The following DMD variants were observed in gnomAD, a reference collection of about 807,000 sequenced individuals.
DMD encodes the protein mutant dystrophin.
In DMD, 63 loss-of-function variants were observed where a neutral mutation model predicts 330.1. The observed-to-expected ratio is 0.19, with a 90% CI of 0.16 to 0.24. The LOEUF is 0.24. Ranked by LOEUF, DMD falls within the 10% of genes least tolerant of loss-of-function variation. DMD has a pLI of 1.00. For synonymous variants in DMD, 1,223 were observed against 959.8 expected (o/e 1.27, Z -5.07); for missense variants, 3,344 against 2,684.1 (o/e 1.25, Z -5.43).
intron 12 of DMD, among the ~76,000 whole-genome samples, chrX:32,598,133 T>G (rs1324676772): frequency 2.7e-5 from 3 of 112,314 alleles, no homozygotes; most frequent in Non-Finnish European, 5.6e-5. Flanking sequence ...TTTAGAACAC[T>G]ATAAAATCAC....
chrX:31,750,346 T>C (rs2088411187), intron 51 of DMD, among the ~76,000 whole-genome samples: 1 of 107,230 alleles, frequency 9.3e-6, no homozygotes, highest in East Asian at 3.0e-4. Context: ...GGGATCCAGT[T>C]TCAGCTTTCT....
At position 31,146,524 on chromosome X, in the gene DMD, T is replaced by G. The variant is rs59170794; in HGVS notation, c.10798-110A>C. On this transcript the variant is annotated intron_variant, in intron 75 of 78. Transcript: ENST00000357033. The stretch of plus-strand genomic sequence containing the variant: ...CTCATAAATTTTGACCCTTCCTACT[T>G]TAGAAGCCCTCCCAAAGATTGTTTA... The G allele has an allele frequency of 0.024, 18,376 of 762,611 alleles. 1,207 individuals are homozygous for G. The African/African-American group carries it at 0.25, about 10-fold the overall frequency. The allele number at this position is 762,611 out of a possible 1,213,427, so 62.8% of individuals were successfully genotyped here. A position where few individuals can be genotyped will look rare whatever the true frequency, so the allele number is the denominator to read the frequency against.
chrX:32,737,081 G>T (rs978527731), intron 7 of DMD, among the ~76,000 whole-genome samples: 11 of 109,783 alleles, frequency 1.0e-4, no homozygotes, highest in African/African-American at 3.7e-4. Context: ...TGTTTCATAT[G>T]TTATTATCTT....
rs777486425 is a variant in DMD at position 32,799,008 on chromosome X, C to T, written c.649+10485G>A. On this transcript the variant is annotated intron_variant, in intron 7 of 78. Coordinates refer to ENST00000357033, the MANE Select transcript of DMD (RefSeq NM_004006.3). ...TTGTTCAGCCAATTGATATCAAACC[C>T]AACATAAGAGGCCTTAAAAATATTC... Among the ~76,000 whole-genome samples the T allele has an allele frequency of 2.7e-5, 3 of 111,011 alleles. No individual in the cohort carries two copies. The South Asian group carries it at 1.1e-3, about 42-fold the overall frequency.
At chrX:31,655,690 G>A (rs1412612176) in intron 54 of DMD, among the ~76,000 whole-genome samples, 1 of 110,628 alleles carries the variant, frequency 9.0e-6, no homozygotes, top group Non-Finnish European at 1.9e-5. Context: ...ATAAGGACAA[G>A]TTTGGCCCCA....
intron 55 of DMD, among the ~76,000 whole-genome samples, chrX:31,544,641 A>C (rs1295948335): frequency 9.0e-6 from 1 of 111,529 alleles, no homozygotes; most frequent in East Asian, 2.8e-4. Context: ...TCAGAGCATA[A>C]AAATACACAC....
intron 44 of DMD, among the ~76,000 whole-genome samples, chrX:32,056,475 T>C (rs1281307557): frequency 9.6e-6 from 1 of 103,817 alleles, no homozygotes; most frequent in African/African-American, 3.5e-5. Flanking sequence ...CCAAAAAGAA[T>C]GCAAATGATT....
At chrX:32,964,151 G>T (rs2092023841) in intron 2 of DMD, among the ~76,000 whole-genome samples, 1 of 105,303 alleles carries the variant, frequency 9.5e-6, no homozygotes, top group Non-Finnish European at 1.9e-5. Context: ...AGCTATTCGG[G>T]AGGATGAGGC....
At chrX:31,657,108 A>T (rs868392459) in intron 54 of DMD, among the ~76,000 whole-genome samples, 1 of 111,434 alleles carries the variant, frequency 9.0e-6, no homozygotes, top group South Asian at 3.8e-4. Flanking sequence ...CACCGAGCTT[A>T]TTTTTTCAGT....
chrX:33,213,071 T>A (rs752829299), upstream of DMD, among the ~76,000 whole-genome samples: 10 of 111,283 alleles, frequency 9.0e-5, no homozygotes, highest in Non-Finnish European at 1.9e-4. Flanking sequence ...CGTGGGAACT[T>A]CTGAGAAATG....
chrX:31,497,299 A>G (rs2069967815), intron 56 of DMD, among the ~76,000 whole-genome samples: 1 of 111,838 alleles, frequency 8.9e-6, no homozygotes, highest in South Asian at 3.7e-4. Flanking sequence ...TTTTCATGTG[A>G]CTCATGCTAG....
intron 1 of DMD, among the ~76,000 whole-genome samples, chrX:33,049,450 T>C (rs2094430569): frequency 9.0e-6 from 1 of 111,368 alleles, no homozygotes; most frequent in South Asian, 3.7e-4. Flanking sequence ...CTTAGATTTA[T>C]AAAAGGCAAA....
At chrX:32,614,938 A>G (rs2057443284) in intron 11 of DMD, among the ~76,000 whole-genome samples, 1 of 110,628 alleles carries the variant, frequency 9.0e-6, no homozygotes, top group African/African-American at 3.3e-5. Context: ...AGTGTAGGCT[A>G]TAAAAGAACT....
chrX:31,947,372 GC>G (rs1175454334), intron 45 of DMD, among the ~76,000 whole-genome samples: 1 of 112,165 alleles, frequency 8.9e-6, no homozygotes, highest in Non-Finnish European at 1.9e-5. Flanking sequence ...CAATCCTCTT[GC>G]CTTGGCCTCC....
Position 31,121,205 on chromosome X carries a change from T to TATAACTATAGTATTTA in DMD, c.*698_*713dup. The TATAACTATAGTATTTA allele has an allele frequency of 8.9e-6, 1 of 111,878 alleles. No individual in the cohort carries two copies. Among genetic ancestry groups the TATAACTATAGTATTTA allele is most frequent in the Non-Finnish European group, 1.9e-5 (1 of 53,150 alleles). The allele number at this position is 111,878 out of a possible 1,213,427, so 9.2% of individuals were successfully genotyped here. The stretch of plus-strand genomic sequence containing the variant: ...ATAGAAATTCGTATCTCTTTATCTA[T>TATAACTATAGTATTTA]ATAACTATAGTATTTATATACTTAT... On this transcript the variant is annotated 3_prime_UTR_variant, in exon 79 of 79. Coordinates refer to ENST00000357033, the MANE Select transcript of DMD (RefSeq NM_004006.3).
At chrX:31,600,138 G>T (rs939896517) in intron 55 of DMD, among the ~76,000 whole-genome samples, 1 of 111,395 alleles carries the variant, frequency 9.0e-6, no homozygotes, top group Non-Finnish European at 1.9e-5. Flanking sequence ...TCACCATGTT[G>T]CCCAGGCTGA....
At chrX:31,590,797 C>T (rs1056470372) in intron 55 of DMD, among the ~76,000 whole-genome samples, 1 of 111,627 alleles carries the variant, frequency 9.0e-6, no homozygotes, top group Non-Finnish European at 1.9e-5. Flanking sequence ...AGAATATCCA[C>T]CATTCTTTAA....
intron 44 of DMD, among the ~76,000 whole-genome samples, chrX:31,981,799 C>A (rs151055415): frequency 8.9e-6 from 1 of 111,934 alleles, no homozygotes; most frequent in African/African-American, 3.2e-5. Flanking sequence ...CCTTGCTGCT[C>A]TAAATGAGCT....
At chrX:31,818,500 A>T (rs975757334) in intron 50 of DMD, among the ~76,000 whole-genome samples, 2 of 111,281 alleles carry the variant, frequency 1.8e-5, no homozygotes, top group Admixed American at 9.6e-5. Flanking sequence ...TGGGACATAA[A>T]CTCATGAGTT....
Sources: allele counts gnomAD v4.1 joint callset (sites outside exome capture counted in the v4.1 genomes callset), GRCh38; gene constraint gnomAD v4.1.1; transcripts MANE v1.5; gene names NCBI Gene and HGNC (gene_info 2026-07-23, HGNC 2026-07-21).